The following PPP2R5D variants were observed in gnomAD, a reference collection of about 807,000 sequenced individuals.
PPP2R5D encodes serine/threonine-protein phosphatase 2A 56 kDa regulatory subunit delta isoform.
In PPP2R5D, 12 loss-of-function variants were observed where a neutral mutation model predicts 79.1. The observed-to-expected ratio is 0.15, with a 90% confidence interval of 0.10 to 0.25. The LOEUF is 0.25. Ranked by LOEUF, PPP2R5D falls within the 10% of genes least tolerant of loss-of-function variation. PPP2R5D has a pLI of 1.00. For missense variants in PPP2R5D, 419 were observed against 760.2 expected, an observed-to-expected ratio of 0.55 and a Z score of 5.28; for synonymous variants, 277 against 286.6, an observed-to-expected ratio of 0.97 and a Z score of 0.34.
rs1223052863 is a variant in PPP2R5D at position 43,010,397 on chromosome 6, G to A, written c.1380-71G>A. 3 of 1,256,630 alleles carry A rather than the reference G, an allele frequency of 2.4e-6. No individual in the cohort carries two copies. The highest frequency in any genetic ancestry group is 3.5e-6 in the Non-Finnish European group (3 of 858,974). The allele number at this position is 1,256,630 out of a possible 1,614,324, so 77.8% of individuals were successfully genotyped here. On this transcript the variant is annotated intron_variant, in intron 12 of 15. Coordinates refer to ENST00000485511, the MANE Select transcript of PPP2R5D (RefSeq NM_006245.4). The surrounding 1 kb of genome is among the most constrained non-coding windows in gnomAD (Gnocchi z 4.7). ...TCTTAGCAGAGATACCCCTGTGAGA[G>A]AACAAATTGGGTTCCTCACGCTAAG...
In PPP2R5D at chr6:43,007,860, G is replaced by C; in HGVS notation, c.727-75G>C. 1 of 1,581,386 alleles carries C rather than the reference G, an allele frequency of 6.3e-7. No individual in the cohort carries two copies. ...GGGGACCTCTGCATTTCCCCTGGCG[G>C]GACCTATGTCACCCTGGCCACTGCC... On this transcript the variant is annotated intron_variant, in intron 6 of 15. Coordinates refer to ENST00000485511, the MANE Select transcript of PPP2R5D (RefSeq NM_006245.4). This position sits in a 1 kb window ranked among gnomAD's most constrained non-coding sequence, Gnocchi z 4.5.
In PPP2R5D at chr6:42,984,654, C is replaced by G. The variant is rs1258494674; in HGVS notation, c.-24C>G. 1.9e-6 allele frequency: 3 copies of G among 1,593,466 alleles called. No individual in the cohort carries two copies. Among genetic ancestry groups the G allele is most frequent in the East Asian group, 4.6e-5 (2 of 43,864 alleles). On this transcript the variant is annotated 5_prime_UTR_variant, in exon 1 of 16. Coordinates refer to ENST00000485511, the MANE Select transcript of PPP2R5D (RefSeq NM_006245.4). ...GGAGCCGGAGCGGGGCCGCAGGAGACGGGCCGGGTCCGGACGGGCCGAGAT... is the reference window on the plus strand; with the variant it reads ...GGAGCCGGAGCGGGGCCGCAGGAGAGGGGCCGGGTCCGGACGGGCCGAGAT...
chr6:42,992,509 G>A (rs1198648466), intron 2 of PPP2R5D, among the ~76,000 whole-genome samples: 1 of 152,118 alleles, frequency 6.6e-6, no homozygotes, highest in East Asian at 1.9e-4. Flanking sequence ...TCCTAGGGCA[G>A]CCATAATAAA....
rs756389217 is a variant in PPP2R5D, at chr6:43,007,901, C to T, written c.727-34C>T. 6.2e-7 allele frequency: 1 copy of T among 1,611,708 alleles called. No individual in the cohort carries two copies. On this transcript the variant is annotated intron_variant, in intron 6 of 15. Transcript: ENST00000485511. The surrounding 1 kb of genome is among the most constrained non-coding windows in gnomAD (Gnocchi z 4.5). The stretch of plus-strand genomic sequence containing the variant: ...GGCCACTGCCTTCCCTGGCTGCTGC[C>T]TCACTGGCTGCTTTCCCTCCCTTGT...
intron 2 of PPP2R5D, among the ~76,000 whole-genome samples, chr6:42,993,600 C>A (rs1480076649): frequency 1.3e-5 from 2 of 152,264 alleles, no homozygotes; most frequent in African/African-American, 4.8e-5. Flanking sequence ...CCACATCTCT[C>A]TCCTAGATTC....
Position 43,007,558 on chromosome 6 carries a change from T to G in PPP2R5D, c.726+52T>G. ...CCTCTCTTTCCATTCCATGCCCCCT[T>G]CATCTGTGTCCCAGTGGCTCTTTCC... On this transcript the variant is annotated intron_variant, in intron 6 of 15. Coordinates refer to ENST00000485511, the MANE Select transcript of PPP2R5D (RefSeq NM_006245.4). The surrounding 1 kb of genome is among the most constrained non-coding windows in gnomAD (Gnocchi z 4.5). 1 of 1,475,188 alleles carries G rather than the reference T, an allele frequency of 6.8e-7. No individual in the cohort carries two copies. The highest frequency in any genetic ancestry group is 2.3e-5 in the East Asian group (1 of 44,252). 91.4% of individuals were successfully genotyped at this position (1,475,188 alleles called of 1,614,324 possible). A position where few individuals can be genotyped will look rare whatever the true frequency, so the allele number is the denominator to read the frequency against.
chr6:42,995,984 C>T (rs1394881023), intron 2 of PPP2R5D, among the ~76,000 whole-genome samples: 1 of 148,736 alleles, frequency 6.7e-6, no homozygotes, highest in African/African-American at 2.5e-5. Context: ...GCCTCAGCCT[C>T]CCGAGTAGCT....
chr6:43,007,132 A>AG lies in PPP2R5D; in HGVS notation c.522+28dup, dbSNP rs3215727. 6.2e-7 allele frequency: 1 copy of AG among 1,600,582 alleles called. No individual in the cohort carries two copies. Among genetic ancestry groups the AG allele is most frequent in the Non-Finnish European group, 8.6e-7 (1 of 1,169,236 alleles). ...CATGGTGGGCACAGGGAAAGGACAC[A>AG]GGGGGGACTGGTGAGGGGCTCTGGA... is the stretch of plus-strand genomic sequence containing the variant. On this transcript the variant is annotated intron_variant, in intron 4 of 15. Coordinates refer to ENST00000485511, the MANE Select transcript of PPP2R5D (RefSeq NM_006245.4). The surrounding 1 kb of genome is among the most constrained non-coding windows in gnomAD (Gnocchi z 4.5).
chr6:43,006,650 G>A lies in PPP2R5D; in HGVS notation c.293G>A (p.Arg98Gln), dbSNP rs1369793954. 7.4e-6 allele frequency: 12 copies of A among 1,614,004 alleles called. No homozygotes were observed. Among genetic ancestry groups the A allele is most frequent in the Non-Finnish European group, 9.3e-6 (11 of 1,180,028 alleles). The change falls in exon 3 of 16, where the codon CGG (arginine) becomes CAG (glutamine). Residue 98 changes from arginine (R) to glutamine (Q), a missense_variant. Around this residue, in one of 5 missense-constraint regions of PPP2R5D, gnomAD observed 110 missense variants for 147.6 expected, o/e 0.75. Coordinates refer to ENST00000485511, the MANE Select transcript of PPP2R5D (RefSeq NM_006245.4). This position sits in a 1 kb window ranked among gnomAD's most constrained non-coding sequence, Gnocchi z 4.7. The part of the protein sequence containing the change: ...SSSRFNLSKN[R>Q]ELQKLPALKD... ...TCCCGCTTCAACCTCAGCAAGAATC[G>A]GGAGCTGCAGAAGCTTCCTGCCCTG...
Position 43,006,483 on chromosome 6 carries a change from C to A in PPP2R5D, c.126C>A (p.Pro42=), listed in dbSNP as rs1344853175. ...NTEEAQPQPQ[P]QPQPQAQSQP... ...ACCAGGCCCAGCCGCAGCCCCAGCC[C>A]CAGCCCCAGCCCCAAGCCCAGTCTC... The change falls in exon 3 of 16, where the codon CCC becomes CCA. Residue 42 remains proline (P), a synonymous_variant. Coordinates refer to ENST00000485511, the MANE Select transcript of PPP2R5D (RefSeq NM_006245.4). The surrounding 1 kb of genome is among the most constrained non-coding windows in gnomAD (Gnocchi z 4.7). The A allele has an allele frequency of 6.2e-7, 1 of 1,613,310 alleles. No homozygotes were observed. Among genetic ancestry groups the A allele is most frequent in the Non-Finnish European group, 8.5e-7 (1 of 1,179,800 alleles).
Position 43,007,131 on chromosome 6 carries a change from CAGG to C in PPP2R5D, c.522+22_522+24del. On this transcript the variant is annotated intron_variant, in intron 4 of 15. Coordinates refer to ENST00000485511, the MANE Select transcript of PPP2R5D (RefSeq NM_006245.4). The surrounding 1 kb of genome is among the most constrained non-coding windows in gnomAD (Gnocchi z 4.5). ...CCATGGTGGGCACAGGGAAAGGACA[CAGG>C]GGGGACTGGTGAGGGGCTCTGGAGA... 6.2e-7 allele frequency: 1 copy of C among 1,614,140 alleles called. No individual in the cohort carries two copies. The highest frequency in any genetic ancestry group is 8.5e-7 in the Non-Finnish European group (1 of 1,180,004).
rs774122534 is a variant in PPP2R5D, at chr6:43,010,640, C to T, written c.1482-24C>T. 3 of 1,613,844 alleles carry T rather than the reference C, an allele frequency of 1.9e-6. No homozygotes were observed. Among genetic ancestry groups the T allele is most frequent in the Admixed American group, 1.7e-5 (1 of 59,990 alleles). ...TCACTGTGTTTCTCTCAAGCCCAACCCCAATCCTACTTTTGCTCCTCAGGG... is the reference window on the plus strand; with the variant it reads ...TCACTGTGTTTCTCTCAAGCCCAACTCCAATCCTACTTTTGCTCCTCAGGG... On this transcript the variant is annotated intron_variant, in intron 13 of 15. Coordinates refer to ENST00000485511, the MANE Select transcript of PPP2R5D (RefSeq NM_006245.4). The surrounding 1 kb of genome is among the most constrained non-coding windows in gnomAD (Gnocchi z 4.7).
Position 43,007,628 on chromosome 6 carries a change from A to G in PPP2R5D, c.726+122A>G. 9.9e-7 allele frequency: 1 copy of G among 1,009,906 alleles called. No homozygotes were observed. The highest frequency in any genetic ancestry group is 1.4e-5 in the South Asian group (1 of 69,368). The allele number at this position is 1,009,906 out of a possible 1,614,324, so 62.6% of individuals were successfully genotyped here. ...GGTTTCATCCATGTCTGGTACGAGG[A>G]GGCTATAAAGGGTAAAAAACAAAAC... On this transcript the variant is annotated intron_variant, in intron 6 of 15. Transcript: ENST00000485511. This position sits in a 1 kb window ranked among gnomAD's most constrained non-coding sequence, Gnocchi z 4.5.
rs1762324657 is a variant in PPP2R5D, at chr6:43,010,961, G to A, written c.1635G>A (p.Gln545=). 6.2e-7 allele frequency: 1 copy of A among 1,614,176 alleles called. No homozygotes were observed. The highest frequency in any genetic ancestry group is 1.7e-5 in the Admixed American group (1 of 60,026). The change falls in exon 15 of 16, where the codon CAG becomes CAA. Residue 545 remains glutamine, a synonymous_variant. Coordinates refer to ENST00000485511, the MANE Select transcript of PPP2R5D (RefSeq NM_006245.4). This position sits in a 1 kb window ranked among gnomAD's most constrained non-coding sequence, Gnocchi z 4.7. ...ETETPTAEDI[Q]LLKRTVETEA... ...AGACCCCCACAGCTGAGGACATCCA[G>A]CTTCTGAAGAGGACTGTGGAGACTG...
At chr6:42,993,642 G>C (rs1248550565) in intron 2 of PPP2R5D, among the ~76,000 whole-genome samples, 1 of 152,178 alleles carries the variant, frequency 6.6e-6, no homozygotes, top group Middle Eastern at 3.2e-3. Flanking sequence ...GGCATTCCTT[G>C]TAGATGCATC....
At position 43,011,453 on chromosome 6, in the gene PPP2R5D, C is replaced by A. The variant is rs1448031857; in HGVS notation, c.*167C>A. 1.8e-5 allele frequency: 16 copies of A among 882,910 alleles called. No homozygotes were observed. The highest frequency in any genetic ancestry group is 5.7e-5 in the Admixed American group (2 of 35,176). The allele number at this position is 882,910 out of a possible 1,614,324, so 54.7% of individuals were successfully genotyped here. A position where few individuals can be genotyped will look rare whatever the true frequency, so the allele number is the denominator to read the frequency against. Reference sequence around the variant, plus strand: ...GAAGCAGGGACACCCACAGAATGGTCCCTCTTCTCCCCAAAAGGTGTTCAT... The same window carrying A: ...GAAGCAGGGACACCCACAGAATGGTACCTCTTCTCCCCAAAAGGTGTTCAT... On this transcript the variant is annotated 3_prime_UTR_variant, in exon 16 of 16. Coordinates refer to ENST00000485511, the MANE Select transcript of PPP2R5D (RefSeq NM_006245.4).
At chr6:43,004,303 G>A (rs1030003181) in intron 2 of PPP2R5D, among the ~76,000 whole-genome samples, 11 of 152,198 alleles carry the variant, frequency 7.2e-5, no homozygotes, top group Admixed American at 1.3e-4. Flanking sequence ...GATTACAGGC[G>A]TGAGCCACCG....
At position 43,003,616 on chromosome 6, in the gene PPP2R5D, C is replaced by T. The variant is rs76099960; in HGVS notation, c.106-2847C>T. On this transcript the variant is annotated intron_variant, in intron 2 of 15. Transcript: ENST00000485511. Reference sequence around the variant, plus strand: ...AGATAGTCATTAACACAGTGGTGGACTTGGGCTTGTTCTTACCTTTTCTGA... The same window carrying T: ...AGATAGTCATTAACACAGTGGTGGATTTGGGCTTGTTCTTACCTTTTCTGA... Among the ~76,000 whole-genome samples, 19 of 152,114 alleles carry T rather than the reference C, an allele frequency of 1.2e-4. No homozygotes were observed. In the East Asian group the frequency reaches 3.5e-3, roughly 28 times the overall value.
At chr6:42,984,849 G>A in intron 1 of PPP2R5D, 145 bp downstream of exon 1, 2 of 1,309,092 alleles carry the variant, frequency 1.5e-6, no homozygotes, top group African/African-American at 1.6e-5. Flanking sequence ...CCGCCCCCGC[G>A]GCTGGCAGCA....
Sources: gnomAD v4.1 joint callset for allele counts (sites outside exome capture counted in the v4.1 genomes callset) on GRCh38, gnomAD v4.1.1 for gene constraint, gnomAD v4.1.1 regional missense constraint, Gnocchi (gnomAD v3.1) non-coding constraint, MANE v1.5 for transcripts, NCBI Gene and HGNC (gene_info 2026-07-23, HGNC 2026-07-21) for gene names.